DAOA: variants seen among roughly 807,000 people sequenced by gnomAD.
DAOA encodes the protein D-amino acid oxidase activator, also known as D-amino acid oxidase regulator.
DAOA carries 15 observed loss-of-function variants against 16.4 expected under a neutral mutation model. That is an observed-to-expected ratio of 0.91 (90% CI 0.61 to 1.41). The LOEUF is 1.41. Ranked by LOEUF, DAOA falls within the 40% of genes most tolerant of loss-of-function variation. The pLI, the probability that DAOA is intolerant of heterozygous loss-of-function variation, is 0.00. For synonymous variants in DAOA, 75 were observed against 59.1 expected (o/e 1.27, Z -1.23); for missense variants, 230 against 176.8 (o/e 1.30, Z -1.71).
intron 2 of DAOA, among the ~76,000 whole-genome samples, chr13:105,466,781 A>C (rs1371150052): frequency 6.6e-6 from 1 of 152,152 alleles, no homozygotes; most frequent in African/African-American, 2.4e-5. Context: ...TAAAAAGCAA[A>C]GGTTTGAGAG....
intron 4 of DAOA, among the ~76,000 whole-genome samples, chr13:105,483,244 C>T (rs1160403556): frequency 6.6e-6 from 1 of 152,166 alleles, no homozygotes; most frequent in African/African-American, 2.4e-5. Context: ...TTTATCCATC[C>T]ATTCCTCTGT....
At chr13:105,473,071 A>G (rs894233079) in intron 4 of DAOA, among the ~76,000 whole-genome samples, 8 of 152,048 alleles carry the variant, frequency 5.3e-5, no homozygotes, top group African/African-American at 1.9e-4. Context: ...GGCTATTGAG[A>G]GGGAAATATG....
chr13:105,488,535 T>C (rs906107453), intron 4 of DAOA, among the ~76,000 whole-genome samples: 15 of 152,176 alleles, frequency 9.9e-5, no homozygotes, highest in African/African-American at 3.4e-4. Context: ...AAAAACGCAA[T>C]TATCTGTTTT....
chr13:105,486,589 G>A (rs185779299), intron 4 of DAOA, among the ~76,000 whole-genome samples: 11 of 151,502 alleles, frequency 7.3e-5, no homozygotes, highest in East Asian at 2.0e-4. Context: ...CAGTTTCCAG[G>A]TCTCAGTATC....
intron 4 of DAOA, among the ~76,000 whole-genome samples, chr13:105,481,229 C>G (rs1243596171): frequency 6.6e-6 from 1 of 152,142 alleles, no homozygotes; most frequent in Non-Finnish European, 1.5e-5. Context: ...AACCCAGTGT[C>G]AGGACCTGTG....
chr13:105,479,678 C>T (rs1275257187), intron 4 of DAOA, among the ~76,000 whole-genome samples: 3 of 152,186 alleles, frequency 2.0e-5, no homozygotes, highest in Non-Finnish European at 4.4e-5. Flanking sequence ...GCCCACTCTA[C>T]TCTAGTATTA....
intron 4 of DAOA, among the ~76,000 whole-genome samples, chr13:105,479,808 G>A (rs574071356): frequency 7.2e-5 from 11 of 152,238 alleles, no homozygotes; most frequent in South Asian, 2.1e-4. Context: ...GACTACTTTC[G>A]TGAATTTTAA....
At chr13:105,480,605 G>T (rs1877670146) in intron 4 of DAOA, among the ~76,000 whole-genome samples, 1 of 151,992 alleles carries the variant, frequency 6.6e-6, no homozygotes, top group Non-Finnish European at 1.5e-5. Flanking sequence ...TGATTATAGA[G>T]ACTGAAAAGC....
intron 4 of DAOA, among the ~76,000 whole-genome samples, chr13:105,480,466 T>C (rs1594113861): frequency 7.1e-6 from 1 of 140,656 alleles, no homozygotes; most frequent in Non-Finnish European, 1.6e-5. Context: ...TCCAGACAGA[T>C]AGAACCAATA....
chr13:105,483,708 T>G (rs542884933), intron 4 of DAOA, among the ~76,000 whole-genome samples: 58 of 152,198 alleles, frequency 3.8e-4, no homozygotes, highest in Admixed American at 1.1e-3. Flanking sequence ...TATTGAACAT[T>G]GAGGTTTCTT....
rs1458396550 is a variant in DAOA, at chr13:105,472,695, T to G, written c.281+10T>G. On this transcript the variant is annotated intron_variant, in intron 4 of 5. Transcript: ENST00000375936. ...CTCAGCCCTATGCAGAGTATGTATCTTCTTCATTTTAAACTTTTAACCAGG... is the reference window on the plus strand; with the variant it reads ...CTCAGCCCTATGCAGAGTATGTATCGTCTTCATTTTAAACTTTTAACCAGG... 6.3e-7 allele frequency: 1 copy of G among 1,588,664 alleles called. No individual in the cohort carries two copies. Among genetic ancestry groups the G allele is most frequent in the African/African-American group, 1.4e-5 (1 of 73,794 alleles).
chr13:105,466,970 C>A, intron 2 of DAOA, 83 bp from the exon 3 acceptor site: 5 of 1,489,182 alleles, frequency 3.4e-6, no homozygotes, highest in Non-Finnish European at 3.6e-6. Flanking sequence ...ATGTTATATG[C>A]TCCATTGATG....
At chr13:105,466,448 G>T in intron 2 of DAOA, 116 bp downstream of exon 2, 2 of 1,550,366 alleles carry the variant, frequency 1.3e-6, no homozygotes, top group South Asian at 1.2e-5. Context: ...AACATGTCAG[G>T]GTTGGAAGCC....
At chr13:105,490,299 C>G in intron 5 of DAOA, 107 bp downstream of exon 5, 1 of 429,096 alleles carries the variant, frequency 2.3e-6, no homozygotes, top group Non-Finnish European at 3.2e-6. Context: ...AAACTAATAC[C>G]ATAGGTAATC....
At chr13:105,486,286 C>T (rs1055922802) in intron 4 of DAOA, among the ~76,000 whole-genome samples, 1 of 152,042 alleles carries the variant, frequency 6.6e-6, no homozygotes, top group Non-Finnish European at 1.5e-5. Flanking sequence ...TTCTAATCAC[C>T]CTTGCTCTTT....
At chr13:105,482,102 C>T (rs1421980424) in intron 4 of DAOA, among the ~76,000 whole-genome samples, 3 of 152,074 alleles carry the variant, frequency 2.0e-5, no homozygotes, top group Admixed American at 2.0e-4. Context: ...TTCACTATCA[C>T]AAGAACAGCA....
chr13:105,473,181 G>C (rs200156402), intron 4 of DAOA, among the ~76,000 whole-genome samples: 1 of 132,264 alleles, frequency 7.6e-6, no homozygotes, highest in Non-Finnish European at 1.7e-5. Flanking sequence ...GTGTGTGTTT[G>C]TGTGTGTAGG....
chr13:105,477,482 C>A (rs1346685186), intron 4 of DAOA, among the ~76,000 whole-genome samples: 1 of 152,196 alleles, frequency 6.6e-6, no homozygotes, highest in Non-Finnish European at 1.5e-5. Context: ...TAATCCCATA[C>A]TTTGGAAGGC....
chr13:105,473,357 T>C (rs997462459), intron 4 of DAOA, among the ~76,000 whole-genome samples: 2 of 152,064 alleles, frequency 1.3e-5, no homozygotes, highest in Admixed American at 6.6e-5. Flanking sequence ...TGGGACTTTT[T>C]CCCCTAAATA....
Sources: gnomAD v4.1 joint callset for allele counts (sites outside exome capture counted in the v4.1 genomes callset) on GRCh38, gnomAD v4.1.1 for gene constraint, MANE v1.5 for transcripts, NCBI Gene and HGNC (gene_info 2026-07-23, HGNC 2026-07-21) for gene names.